Variants in TRHDE observed in about 807,000 individuals in gnomAD.
TRHDE encodes the protein thyrotropin releasing hormone degrading enzyme.
In TRHDE, 72 loss-of-function variants were observed where a neutral mutation model predicts 125.7. The ratio of observed to expected loss-of-function variants is 0.57; its 90% confidence interval spans 0.47 to 0.70. The LOEUF (loss-of-function observed/expected upper bound fraction) is 0.70. Ranked by LOEUF, TRHDE falls within the 30% of genes least tolerant of loss-of-function variation. TRHDE has a pLI of 0.00. For synonymous variants in TRHDE, 509 were observed against 509.1 expected (o/e 1.00, Z 0.00); for missense variants, 1,110 against 1,327.1 (o/e 0.84, Z 2.54).
chr12:72,618,819 C>T (rs112881013), intron 12 of TRHDE, 72 bp from the exon 13 acceptor site: 84,953 of 1,307,032 alleles, frequency 0.065, 3,251 homozygotes, highest in Middle Eastern at 0.096. Context: ...TTTGCTTTTC[C>T]GTCTTTTATT....
chr12:72,356,643 A>G (rs1217279001), intron 2 of TRHDE, among the ~76,000 whole-genome samples: 2 of 151,544 alleles, frequency 1.3e-5, no homozygotes, highest in African/African-American at 2.4e-5. Flanking sequence ...TATGTGAAAG[A>G]TGAAGTCATT....
chr12:72,313,279 T>TTTTATA, intron 2 of TRHDE, among the ~76,000 whole-genome samples: 1 of 152,092 alleles, frequency 6.6e-6, no homozygotes, highest in South Asian at 2.1e-4. Context: ...ATACAAGTTT[T>TTTTATA]TTTATATTTA....
At chr12:72,385,628 T>A (rs1344719477) in intron 3 of TRHDE, among the ~76,000 whole-genome samples, 1 of 152,144 alleles carries the variant, frequency 6.6e-6, no homozygotes, top group African/African-American at 2.4e-5. Context: ...ATGGCCACAG[T>A]TATTTCAATA....
chr12:72,467,338 A>G (rs1368853419), intron 3 of TRHDE, among the ~76,000 whole-genome samples: 1 of 151,570 alleles, frequency 6.6e-6, no homozygotes, highest in Non-Finnish European at 1.5e-5. Context: ...CAACTTAAGT[A>G]CCATCTCTTT....
intron 2 of TRHDE, among the ~76,000 whole-genome samples, chr12:72,350,670 C>T (rs2135739962): frequency 6.6e-6 from 1 of 151,946 alleles, no homozygotes; most frequent in Middle Eastern, 3.4e-3. Context: ...TCCTGAATTG[C>T]TTATGGAAAA....
At chr12:72,210,128 T>G (rs1380268329) in intron 2 of TRHDE, among the ~76,000 whole-genome samples, 2 of 152,164 alleles carry the variant, frequency 1.3e-5, no homozygotes, top group Non-Finnish European at 2.9e-5. Flanking sequence ...AATATGAGCT[T>G]TGTAATATCT....
At chr12:72,487,953 A>T (rs1314981260) in intron 5 of TRHDE, among the ~76,000 whole-genome samples, 1 of 152,146 alleles carries the variant, frequency 6.6e-6, no homozygotes, top group East Asian at 1.9e-4. Context: ...GCTTAAAACA[A>T]TTGATTATAA....
chr12:72,387,798 G>T (rs114278231), intron 3 of TRHDE, among the ~76,000 whole-genome samples: 1 of 152,034 alleles, frequency 6.6e-6, no homozygotes, highest in Non-Finnish European at 1.5e-5. Flanking sequence ...ACACCCTTTC[G>T]CTTGGTTCTC....
chr12:72,619,179 C>G lies in TRHDE; in HGVS notation c.2469+141C>G, dbSNP rs1422161722. ...TTATCCCGATTTTTGTCCTGATTGT[C>G]TATGCAACACAGATGACAATTATTT... is the stretch of plus-strand genomic sequence containing the variant. On this transcript the variant is annotated intron_variant, in intron 13 of 18. Coordinates refer to ENST00000261180, the MANE Select transcript of TRHDE (RefSeq NM_013381.3). 1.3e-5 allele frequency: 7 copies of G among 540,274 alleles called. No homozygotes were observed. In the East Asian group the frequency reaches 2.1e-4, roughly 16 times the overall value. 33.5% of individuals were successfully genotyped at this position (540,274 alleles called of 1,614,324 possible).
chr12:72,135,900 G>A (rs1379272920), intron 2 of TRHDE, among the ~76,000 whole-genome samples: 1 of 151,812 alleles, frequency 6.6e-6, no homozygotes, highest in Non-Finnish European at 1.5e-5. Flanking sequence ...TCACGGTACT[G>A]GGCAGCTCAG....
chr12:72,490,765 A>T (rs952620936), intron 5 of TRHDE, among the ~76,000 whole-genome samples: 3 of 151,476 alleles, frequency 2.0e-5, no homozygotes, highest in African/African-American at 7.3e-5. Context: ...GTAAAAAAAA[A>T]AAAAAAACAA....
intron 3 of TRHDE, among the ~76,000 whole-genome samples, chr12:72,403,707 G>A (rs1022747400): frequency 7.2e-5 from 11 of 152,172 alleles, no homozygotes; most frequent in African/African-American, 2.4e-4. Flanking sequence ...AGCAGAATTT[G>A]AAATCAAAGG....
chr12:72,624,263 T>C (rs2136081154), intron 15 of TRHDE, among the ~76,000 whole-genome samples: 1 of 152,050 alleles, frequency 6.6e-6, no homozygotes, highest in East Asian at 1.9e-4. Context: ...TTTTTTTAAA[T>C]GGCCCTATAG....
At chr12:72,635,076 C>T (rs1873675047) in intron 15 of TRHDE, among the ~76,000 whole-genome samples, 1 of 151,030 alleles carries the variant, frequency 6.6e-6, no homozygotes. Flanking sequence ...GGAATCGCCA[C>T]ACTGACTTCC....
chr12:72,418,274 T>C (rs1004795448), intron 3 of TRHDE, among the ~76,000 whole-genome samples: 12 of 152,080 alleles, frequency 7.9e-5, no homozygotes, highest in African/African-American at 2.9e-4. Flanking sequence ...TAAATATTAA[T>C]TAAGGATTAA....
chr12:72,574,313 G>A (rs568865063), intron 10 of TRHDE, among the ~76,000 whole-genome samples: 1 of 152,144 alleles, frequency 6.6e-6, no homozygotes, highest in Non-Finnish European at 1.5e-5. Flanking sequence ...ATGGTTCTGA[G>A]TCATTGTAGA....
chr12:72,495,978 A>AT (rs1877898195), intron 5 of TRHDE, among the ~76,000 whole-genome samples: 1 of 152,220 alleles, frequency 6.6e-6, no homozygotes, highest in Non-Finnish European at 1.5e-5. Flanking sequence ...TAGTATCTAC[A>AT]TTGAAGTGGT....
chr12:72,283,040 T>C (rs919578681), intron 1 of TRHDE, among the ~76,000 whole-genome samples: 2 of 152,220 alleles, frequency 1.3e-5, no homozygotes, highest in African/African-American at 4.8e-5. Flanking sequence ...TTTAGGAGAA[T>C]GTAATTTCTT....
At chr12:72,537,644 C>T (rs761107526) in intron 6 of TRHDE, among the ~76,000 whole-genome samples, 1 of 152,054 alleles carries the variant, frequency 6.6e-6, no homozygotes, top group Non-Finnish European at 1.5e-5. Flanking sequence ...TTTTCTACAC[C>T]TTTCCACGTC....
Sources: gnomAD v4.1 joint callset for allele counts (sites outside exome capture counted in the v4.1 genomes callset) on GRCh38, gnomAD v4.1.1 for gene constraint, MANE v1.5 for transcripts, NCBI Gene and HGNC (gene_info 2026-07-23, HGNC 2026-07-21) for gene names.